CPEB4: variants seen among roughly 807,000 people sequenced by gnomAD.
The protein encoded by CPEB4 is cytoplasmic polyadenylation element binding protein 4.
A neutral mutation model predicts 72.5 loss-of-function variants in CPEB4; 12 were observed. The observed-to-expected ratio is 0.17, with a 90% confidence interval of 0.11 to 0.27. The LOEUF (loss-of-function observed/expected upper bound fraction) is 0.27. Ranked by LOEUF, CPEB4 falls within the 10% of genes least tolerant of loss-of-function variation. The pLI is 1.00. For synonymous variants in CPEB4, 302 were observed against 326.3 expected (o/e 0.93, Z 0.80); for missense variants, 614 against 908.5 (o/e 0.68, Z 4.17).
rs1373397272 is a variant in CPEB4, at chr5:173,896,781, C to T, written c.1125+5923C>T. Reference sequence around the variant, plus strand: ...CCGTATCAAGAAAATAATAACTGGCCGGGCATGGTGGGTCACACCTGTGAT... The same window carrying T: ...CCGTATCAAGAAAATAATAACTGGCTGGGCATGGTGGGTCACACCTGTGAT... On this transcript the variant is annotated intron_variant, in intron 1 of 9. Coordinates refer to ENST00000265085, the MANE Select transcript of CPEB4 (RefSeq NM_030627.4). Among the ~76,000 whole-genome samples, 5 of 152,180 alleles carry T rather than the reference C, an allele frequency of 3.3e-5. No homozygotes were observed. The South Asian group carries it at 6.2e-4, about 19-fold the overall frequency.
In CPEB4 at chr5:173,945,059, T is replaced by G. The variant is rs1561630076; in HGVS notation, c.1375T>G (p.Phe459Val). 1 of 1,614,036 alleles carries G rather than the reference T, an allele frequency of 6.2e-7. No homozygotes were observed. Among genetic ancestry groups the G allele is most frequent in the Admixed American group, 1.7e-5 (1 of 60,010 alleles). The change falls in exon 5 of 10, where the codon TTC becomes GTC. Residue 459 changes from phenylalanine (F) to valine (V), a missense_variant. By Grantham distance (50) the Phe-to-Val change is conservative. Around this residue, in one of 5 missense-constraint regions of CPEB4, gnomAD observed 458 missense variants for 548.6 expected, o/e 0.83. Transcript: ENST00000265085. ...LHSGLGSPHC[F>V]SHQNGERVER... The stretch of plus-strand genomic sequence containing the variant: ...TAGTGGCCTGGGTTCACCTCACTGC[T>G]TCAGTCACCAGAATGGGGAAAGAGT...
intron 1 of CPEB4, among the ~76,000 whole-genome samples, chr5:173,894,649 C>G (rs1337816334): frequency 6.6e-6 from 1 of 151,632 alleles, no homozygotes; most frequent in Non-Finnish European, 1.5e-5. Flanking sequence ...ATCTAACATG[C>G]CTCCTGTGTT....
At chr5:173,894,620 CAAAAA>C (rs35059321) in intron 1 of CPEB4, among the ~76,000 whole-genome samples, 1 of 90,278 alleles carries the variant, frequency 1.1e-5, no homozygotes, top group African/African-American at 3.9e-5. Flanking sequence ...GACTCCGACT[CAAAAA>C]AAAAAAAAAA....
intron 1 of CPEB4, among the ~76,000 whole-genome samples, chr5:173,895,129 G>C (rs937730272): frequency 4.6e-5 from 7 of 151,878 alleles, no homozygotes; most frequent in Admixed American, 2.0e-4. Context: ...TCAAAATGAA[G>C]GTCCATATTC....
chr5:173,890,330 G>T lies in CPEB4; in HGVS notation c.597G>T (p.Ser199=), dbSNP rs375388547. ...ACCAGGGAGGGGTCCCTGCTGCTTCGGCTAATAACGGTGCTCTGTTGTTTC... is the reference window on the plus strand; with the variant it reads ...ACCAGGGAGGGGTCCCTGCTGCTTCTGCTAATAACGGTGCTCTGTTGTTTC... ...FFHQGGVPAA[S]ANNGALLFQN... Residue 199 remains serine, a synonymous_variant, in exon 1 of 10, where the codon TCG becomes TCT. Transcript: ENST00000265085. 3.1e-6 allele frequency: 5 copies of T among 1,613,954 alleles called. No homozygotes were observed. Among genetic ancestry groups the T allele is most frequent in the Non-Finnish European group, 4.2e-6 (5 of 1,180,018 alleles).
rs188071283 is a variant in CPEB4 at position 173,925,469 on chromosome 5, G to A, written c.1208-6981G>A. Among the ~76,000 whole-genome samples the A allele has an allele frequency of 2.0e-5, 3 of 152,188 alleles. No homozygotes were observed. The East Asian group carries it at 5.8e-4, about 29-fold the overall frequency. On this transcript the variant is annotated intron_variant, in intron 2 of 9. Coordinates refer to ENST00000265085, the MANE Select transcript of CPEB4 (RefSeq NM_030627.4). ...AGAATAAGCTTACTGATTTTGATTT[G>A]GGGAGTTATTTTTGTGTCAATACAC... is the stretch of plus-strand genomic sequence containing the variant.
At chr5:173,904,972 GATAATAATAATAATAATAATA>G (rs370259283) in intron 1 of CPEB4, among the ~76,000 whole-genome samples, 1 of 125,240 alleles carries the variant, frequency 8.0e-6, no homozygotes, top group East Asian at 2.2e-4. Flanking sequence ...CCCTGTCTCA[GATAATAATAATAATAATAATA>G]ATAATAATAA....
At chr5:173,898,913 G>A (rs543489487) in intron 1 of CPEB4, among the ~76,000 whole-genome samples, 13 of 152,156 alleles carry the variant, frequency 8.5e-5, no homozygotes, top group Non-Finnish European at 1.6e-4. Flanking sequence ...TGATCCGCTC[G>A]CTTTGGCCTC....
rs183818210 is a variant in CPEB4, at chr5:173,950,763, C to T, written c.1665+685C>T. ...TTCCTCACTTTAATGAAGATTTTAC[C>T]CAATATTATCCTTAACTTTATATAT... On this transcript the variant is annotated intron_variant, in intron 7 of 9. Transcript: ENST00000265085. The surrounding 1 kb of genome is among the most constrained non-coding windows in gnomAD (Gnocchi z 5.0). Among the ~76,000 whole-genome samples the T allele has an allele frequency of 1.3e-4, 20 of 152,086 alleles. No homozygotes were observed. Among genetic ancestry groups the T allele is most frequent in the Middle Eastern group, 3.4e-3 (1 of 294 alleles).
chr5:173,915,079 T>C (rs1756817218), intron 2 of CPEB4, among the ~76,000 whole-genome samples: 1 of 152,160 alleles, frequency 6.6e-6, no homozygotes, highest in African/African-American at 2.4e-5. Flanking sequence ...ACTTAATTTG[T>C]ATTTTTCATT....
At chr5:173,891,703 A>C (rs1426181681) in intron 1 of CPEB4, 1 of 152,178 alleles carries the variant, frequency 6.6e-6, no homozygotes, top group Non-Finnish European at 1.5e-5. Flanking sequence ...AATGAGCAGC[A>C]AGTTAGGTTG....
intron 1 of CPEB4, among the ~76,000 whole-genome samples, chr5:173,893,728 C>T (rs916414896): frequency 6.6e-6 from 1 of 152,044 alleles, no homozygotes; most frequent in Non-Finnish European, 1.5e-5. Flanking sequence ...AATAATTTAC[C>T]TGAAGTGTAA....
rs375875447 is a variant in CPEB4 at position 173,950,093 on chromosome 5, G to A, written c.1665+15G>A. ...AGGATAAGCCAGTAAGTGTGGTTTAGCATAAAATAGCTTCTTGTTTTTGCC... is the reference window on the plus strand; with the variant it reads ...AGGATAAGCCAGTAAGTGTGGTTTAACATAAAATAGCTTCTTGTTTTTGCC... On this transcript the variant is annotated intron_variant, in intron 7 of 9. Coordinates refer to ENST00000265085, the MANE Select transcript of CPEB4 (RefSeq NM_030627.4). The surrounding 1 kb of genome is among the most constrained non-coding windows in gnomAD (Gnocchi z 5.0). 2 of 1,451,332 alleles carry A rather than the reference G, an allele frequency of 1.4e-6. No individual in the cohort carries two copies. The highest frequency in any genetic ancestry group is 2.9e-5 in the African/African-American group (2 of 70,014). The allele number at this position is 1,451,332 out of a possible 1,614,324, so 89.9% of individuals were successfully genotyped here.
At chr5:173,898,601 G>A (rs555630184) in intron 1 of CPEB4, among the ~76,000 whole-genome samples, 1 of 152,216 alleles carries the variant, frequency 6.6e-6, no homozygotes, top group Non-Finnish European at 1.5e-5. Context: ...GAAATATTAA[G>A]TCAAAGTTTT....
chr5:173,926,266 TTA>T (rs1237799789), intron 2 of CPEB4, among the ~76,000 whole-genome samples: 1 of 152,252 alleles, frequency 6.6e-6, no homozygotes, highest in African/African-American at 2.4e-5. Context: ...AAAGTAATAC[TTA>T]TATATACTGC....
chr5:173,928,407 G>A (rs1293635053), intron 2 of CPEB4, among the ~76,000 whole-genome samples: 1 of 151,968 alleles, frequency 6.6e-6, no homozygotes, highest in African/African-American at 2.4e-5. Context: ...GGGGGCAGGG[G>A]GATATCAGAA....
intron 2 of CPEB4, among the ~76,000 whole-genome samples, chr5:173,930,010 A>C (rs529914414): frequency 6.6e-6 from 1 of 151,894 alleles, no homozygotes; most frequent in Non-Finnish European, 1.5e-5. Context: ...ATCAGCTGCT[A>C]CTTTTAGTTG....
rs980965510 is a variant in CPEB4, at chr5:173,959,817, T to C, written c.*3680T>C. The C allele has an allele frequency of 6.6e-6, 1 of 152,290 alleles. No individual in the cohort carries two copies. The highest frequency in any genetic ancestry group is 1.5e-5 in the Non-Finnish European group (1 of 67,982). 9.4% of individuals were successfully genotyped at this position (152,290 alleles called of 1,614,324 possible). A position where few individuals can be genotyped will look rare whatever the true frequency, so the allele number is the denominator to read the frequency against. Reference sequence around the variant, plus strand: ...GGGACAATATTGTATTCAACTGTTTTATTTTTTATATTTTTAAAATTTAAA... The same window carrying C: ...GGGACAATATTGTATTCAACTGTTTCATTTTTTATATTTTTAAAATTTAAA... On this transcript the variant is annotated 3_prime_UTR_variant, in exon 10 of 10. Coordinates refer to ENST00000265085, the MANE Select transcript of CPEB4 (RefSeq NM_030627.4).
intron 2 of CPEB4, among the ~76,000 whole-genome samples, chr5:173,920,874 AG>A (rs1757047802): frequency 6.6e-6 from 1 of 152,246 alleles, no homozygotes; most frequent in Non-Finnish European, 1.5e-5. Context: ...TAGTCGGTTG[AG>A]TGAAGGCTTT....
Sources: allele counts gnomAD v4.1 joint callset (sites outside exome capture counted in the v4.1 genomes callset), GRCh38; gene constraint gnomAD v4.1.1; regional missense constraint gnomAD v4.1.1; non-coding constraint Gnocchi (gnomAD v3.1); transcripts MANE v1.5; gene names NCBI Gene and HGNC (gene_info 2026-07-23, HGNC 2026-07-21).